Variants in SEPTIN2 observed in about 807,000 individuals in gnomAD.
SEPTIN2 encodes the protein septin-2.
Under a neutral mutation model 46.5 loss-of-function variants are expected in SEPTIN2, and 34 were observed. The ratio of observed to expected loss-of-function variants is 0.73; its 90% CI spans 0.56 to 0.97. The LOEUF (loss-of-function observed/expected upper bound fraction) is 0.97, where lower values mean the gene tolerates loss of function less well. Among genes scored for constraint, SEPTIN2 ranks in the 50% least tolerant of loss-of-function variants. The pLI is 0.00. For synonymous variants in SEPTIN2, 175 were observed against 153.4 expected, an observed-to-expected ratio of 1.14 and a Z score of -1.04; for missense variants, 347 against 448.4, an observed-to-expected ratio of 0.77 and a Z score of 2.04.
intron 7 of SEPTIN2, among the ~76,000 whole-genome samples, chr2:241,338,604 T>TA (rs1262409895): frequency 7.6e-6 from 1 of 132,168 alleles, no homozygotes; most frequent in Admixed American, 9.4e-5. Flanking sequence ...TATATATATA[T>TA]TTTATATATA....
rs1014763320 is a variant in SEPTIN2, at chr2:241,315,960, C to T, written c.-40C>T. The T allele has an allele frequency of 6.6e-6, 1 of 152,270 alleles. No individual in the cohort carries two copies. Among genetic ancestry groups the T allele is most frequent in the Admixed American group, 6.6e-5 (1 of 15,264 alleles). 9.4% of individuals were successfully genotyped at this position (152,270 alleles called of 1,614,324 possible). On this transcript the variant is annotated 5_prime_UTR_variant, in exon 1 of 13. Transcript: ENST00000391971. ...GGGTCCGCGGCGCGGTCGGTCGGCG[C>T]CTGTTCTCGGGCTGTTTGGCGGGTG... is the stretch of plus-strand genomic sequence containing the variant.
chr2:241,343,687 C>T lies in SEPTIN2; in HGVS notation c.697-65C>T, dbSNP rs923934089. On this transcript the variant is annotated intron_variant, in intron 8 of 12. Coordinates refer to ENST00000391971, the MANE Select transcript of SEPTIN2 (RefSeq NM_004404.5). The stretch of plus-strand genomic sequence containing the variant: ...TGTGTTAAGTCTGTGCTAATGTTCT[C>T]GTGTTGCCAGTGAACTCTGGGGTTC... The T allele has an allele frequency of 1.3e-5, 20 of 1,580,892 alleles. No homozygotes were observed. In the Admixed American group the frequency reaches 1.4e-4, roughly 11 times the overall value.
intron 1 of SEPTIN2, chr2:241,316,493 C>T (rs1575095958): frequency 6.6e-7 from 1 of 1,506,738 alleles, no homozygotes; most frequent in Non-Finnish European, 8.8e-7. Context: ...GAGGGGAGAG[C>T]GACTAGGCCC....
rs369097653 is a variant in SEPTIN2, at chr2:241,353,647, G to C, written c.*1710G>C. ...TGTGTGAAGGTAACTAAGAAGTGGT[G>C]TTCCATGACTTCAGAGTACATCCAT... On this transcript the variant is annotated 3_prime_UTR_variant, in exon 13 of 13. Transcript: ENST00000391971. The C allele has an allele frequency of 6.6e-6, 1 of 152,538 alleles. No homozygotes were observed. The highest frequency in any genetic ancestry group is 2.4e-5 in the African/African-American group (1 of 41,452). The allele number at this position is 152,538 out of a possible 1,614,324, so 9.4% of individuals were successfully genotyped here.
intron 10 of SEPTIN2, chr2:241,346,528 T>G (rs1316062446): frequency 5.3e-6 from 1 of 188,054 alleles, no homozygotes; most frequent in East Asian, 1.3e-4. Context: ...CAAGGTAGAT[T>G]GCCTGAGCGC....
At chr2:241,336,265 TAG>T in intron 5 of SEPTIN2, 167 bp downstream of exon 5, 1 of 741,614 alleles carries the variant, frequency 1.3e-6, no homozygotes, top group Non-Finnish European at 2.1e-6. Flanking sequence ...AGGAATTTTA[TAG>T]AGAGTAATTT....
At chr2:241,319,922 T>C (rs1421502850) in intron 1 of SEPTIN2, among the ~76,000 whole-genome samples, 1 of 152,228 alleles carries the variant, frequency 6.6e-6, no homozygotes, top group African/African-American at 2.4e-5. Flanking sequence ...TTCATTATGA[T>C]TGGTTGCTGA....
At chr2:241,328,270 A>G (rs1347127757) in intron 3 of SEPTIN2, among the ~76,000 whole-genome samples, 1 of 152,104 alleles carries the variant, frequency 6.6e-6, no homozygotes, top group Admixed American at 6.5e-5. Flanking sequence ...CCCCATCTCT[A>G]CTAAAAATAC....
intron 1 of SEPTIN2, among the ~76,000 whole-genome samples, chr2:241,321,616 T>G (rs1279732599): frequency 2.6e-5 from 4 of 152,130 alleles, no homozygotes; most frequent in Non-Finnish European, 5.9e-5. Flanking sequence ...TGTCTTCTCC[T>G]TTAAGCAGAG....
intron 1 of SEPTIN2, among the ~76,000 whole-genome samples, chr2:241,320,944 C>T (rs564994447): frequency 3.0e-4 from 46 of 152,056 alleles, no homozygotes; most frequent in Admixed American, 2.2e-3. Context: ...TATGGCTTTG[C>T]TTTTGTTACC....
chr2:241,320,330 G>C, intron 1 of SEPTIN2: 1 of 470,826 alleles, frequency 2.1e-6, no homozygotes, highest in Non-Finnish European at 4.4e-6. Context: ...GTTTTAGTCA[G>C]ATTTTCCAGT....
intron 8 of SEPTIN2, 51 bp from the exon 9 acceptor site, chr2:241,343,701 A>G: frequency 6.2e-7 from 1 of 1,606,612 alleles, no homozygotes; most frequent in Non-Finnish European, 8.5e-7. Flanking sequence ...TTGCCAGTGA[A>G]CTCTGGGGTT....
chr2:241,337,093 CA>C (rs201513274), intron 5 of SEPTIN2: 34,808 of 239,310 alleles, frequency 0.15, 1,860 homozygotes, highest in Non-Finnish European at 0.18. Context: ...GACTCAGTCT[CA>C]AAAAAAAAAA....
At chr2:241,333,931 ATCTCTAACTCCTGGGC>A (rs552018131) in intron 3 of SEPTIN2, among the ~76,000 whole-genome samples, 207 of 152,186 alleles carry the variant, frequency 1.4e-3, no homozygotes, top group Admixed American at 3.1e-3. Context: ...GCCTGCTGTA[ATCTCTAACTCCTGGGC>A]TCAAGCAATC....
intron 12 of SEPTIN2, among the ~76,000 whole-genome samples, chr2:241,350,839 T>G (rs889133275): frequency 6.6e-6 from 1 of 152,122 alleles, no homozygotes; most frequent in African/African-American, 2.4e-5. Flanking sequence ...CCCCTGTATC[T>G]TATGTATCTT....
At chr2:241,347,531 TGTG>T (rs1348511950) in intron 10 of SEPTIN2, among the ~76,000 whole-genome samples, 12 of 152,330 alleles carry the variant, frequency 7.9e-5, no homozygotes, top group East Asian at 3.9e-4. Flanking sequence ...GCTCCTTAAA[TGTG>T]GTGACTACAT....
At chr2:241,333,814 C>T (rs1382465154) in intron 3 of SEPTIN2, among the ~76,000 whole-genome samples, 1 of 152,174 alleles carries the variant, frequency 6.6e-6, no homozygotes, top group Non-Finnish European at 1.5e-5. Flanking sequence ...TGCGTCTGCA[C>T]ATTGCAAATT....
intron 10 of SEPTIN2, among the ~76,000 whole-genome samples, chr2:241,347,668 A>ATG (rs2060383937): frequency 6.6e-6 from 1 of 152,184 alleles, no homozygotes. Flanking sequence ...GTTCCATTTC[A>ATG]TGTTGTTCGA....
chr2:241,350,159 C>A lies in SEPTIN2; in HGVS notation c.1071C>A (p.Leu357=). 1 of 1,613,040 alleles carries A rather than the reference C, an allele frequency of 6.2e-7. No individual in the cohort carries two copies. The highest frequency in any genetic ancestry group is 1.1e-5 in the South Asian group (1 of 90,924). ...GCGGGGATGGCGATGGCGGGGCTCT[C>A]GGGCACCACGTGTAAGGTGATGTGC... ...MQGGDGDGGA[L]GHHV Residue 357 remains leucine, a synonymous_variant, in exon 12 of 13, where the codon CTC becomes CTA. Transcript: ENST00000391971.
Sources: gnomAD v4.1 joint callset for allele counts (sites outside exome capture counted in the v4.1 genomes callset) on GRCh38, gnomAD v4.1.1 for gene constraint, MANE v1.5 for transcripts, NCBI Gene and HGNC (gene_info 2026-07-23, HGNC 2026-07-21) for gene names.